The following HMCN1 variants were observed in gnomAD, a reference collection of about 807,000 sequenced individuals.
HMCN1 encodes hemicentin 1, also known as hemicentin-1.
In HMCN1, 321 loss-of-function variants were observed where a neutral mutation model predicts 625.9. The observed-to-expected ratio is 0.51, with a 90% CI of 0.47 to 0.56. The LOEUF (loss-of-function observed/expected upper bound fraction) is 0.56. Ranked by LOEUF, HMCN1 falls within the 20% of genes least tolerant of loss-of-function variation. HMCN1 has a pLI of 0.00. For missense variants in HMCN1, 6,588 were observed against 6,887.3 expected (o/e 0.96, Z 1.54); for synonymous variants, 2,425 against 2,417.6 (o/e 1.00, Z -0.09).
intron 27 of HMCN1, 74 bp downstream of exon 27, chr1:186,001,502 TTAC>T (rs1380835722): frequency 1.1e-5 from 17 of 1,595,838 alleles, no homozygotes; most frequent in Non-Finnish European, 1.4e-5. Flanking sequence ...TGTTCATTTC[TTAC>T]TACTAATAAT....
intron 10 of HMCN1, among the ~76,000 whole-genome samples, chr1:185,929,800 G>A (rs1667454648): frequency 6.6e-6 from 1 of 152,252 alleles, no homozygotes; most frequent in Admixed American, 6.5e-5. Context: ...CTTACTGCTA[G>A]AAAAATAAAG....
intron 1 of HMCN1, among the ~76,000 whole-genome samples, chr1:185,798,318 T>C (rs1435906322): frequency 6.6e-6 from 1 of 152,236 alleles, no homozygotes; most frequent in Non-Finnish European, 1.5e-5. Flanking sequence ...GATGCTTTTC[T>C]CTTGCTGACT....
At chr1:185,740,283 G>T (rs2102066813) in intron 1 of HMCN1, among the ~76,000 whole-genome samples, 1 of 152,290 alleles carries the variant, frequency 6.6e-6, no homozygotes, top group East Asian at 1.9e-4. Context: ...GAAACAGGGA[G>T]AATAGACAGG....
At chr1:185,880,350 G>A (rs994878783) in intron 4 of HMCN1, among the ~76,000 whole-genome samples, 1 of 152,154 alleles carries the variant, frequency 6.6e-6, no homozygotes, top group Non-Finnish European at 1.5e-5. Flanking sequence ...CATACTAGGG[G>A]ATGGCCAAAT....
chr1:186,066,828 T>C (rs962354553), intron 49 of HMCN1, among the ~76,000 whole-genome samples: 1 of 152,200 alleles, frequency 6.6e-6, no homozygotes, highest in Non-Finnish European at 1.5e-5. Flanking sequence ...TGTTCTGTCC[T>C]TACTTCACTG....
At chr1:185,737,597 G>A (rs1455594455) in intron 1 of HMCN1, among the ~76,000 whole-genome samples, 2 of 152,288 alleles carry the variant, frequency 1.3e-5, no homozygotes, top group African/African-American at 4.8e-5. Flanking sequence ...GACAGTTAAT[G>A]ACTCTTTTAC....
chr1:186,121,418 A>C (rs1661392251), intron 80 of HMCN1, among the ~76,000 whole-genome samples: 1 of 152,190 alleles, frequency 6.6e-6, no homozygotes, highest in African/African-American at 2.4e-5. Context: ...ATGGGAGCAC[A>C]AATTGCAGAA....
intron 1 of HMCN1, among the ~76,000 whole-genome samples, chr1:185,836,040 G>T (rs1203500838): frequency 6.6e-6 from 1 of 152,128 alleles, no homozygotes; most frequent in African/African-American, 2.4e-5. Context: ...TCCTGACAAT[G>T]ACTGTTTTGA....
intron 15 of HMCN1, among the ~76,000 whole-genome samples, chr1:185,975,501 T>C (rs1651140226): frequency 1.3e-5 from 2 of 151,992 alleles, no homozygotes; most frequent in African/African-American, 4.8e-5. Flanking sequence ...AAGGGGGCAA[T>C]CTGCCCCTAT....
In HMCN1 at chr1:185,933,787, T is replaced by C; in HGVS notation, c.1791T>C (p.Gly597=). The stretch of plus-strand genomic sequence containing the variant: ...ATCATTGTATGGTTTCTAGTGAAGG[T>C]GGATCATCAGCCGCTTCAGTTTTCC... The part of the protein sequence containing the change: ...GEYHCMVSSE[G]GSSAASVFLT... Residue 597 remains glycine, a synonymous_variant, in exon 11 of 107, where the codon GGT becomes GGC. Transcript: ENST00000271588. The C allele has an allele frequency of 6.2e-7, 1 of 1,613,964 alleles. No homozygotes were observed. The highest frequency in any genetic ancestry group is 8.5e-7 in the Non-Finnish European group (1 of 1,179,862).
In HMCN1 at chr1:185,821,055, C is replaced by A. The variant is rs74135363; in HGVS notation, c.269-24971C>A. Among the ~76,000 whole-genome samples, 1,373 of 151,284 alleles carry A rather than the reference C, an allele frequency of 9.1e-3. 19 individuals are homozygous for A. The highest frequency in any genetic ancestry group is 0.03 in the African/African-American group (1,241 of 41,240). On this transcript the variant is annotated intron_variant, in intron 1 of 106. Transcript: ENST00000271588. ...ATATGTACATGTAATATATATATATCTATATATATGCTTATAAGTCACAGG... is the reference window on the plus strand; with the variant it reads ...ATATGTACATGTAATATATATATATATATATATATGCTTATAAGTCACAGG...
At chr1:186,069,498 C>T (rs1270547975) in intron 50 of HMCN1, among the ~76,000 whole-genome samples, 165 bp from the exon 51 acceptor site, 1 of 152,166 alleles carries the variant, frequency 6.6e-6, no homozygotes, top group Non-Finnish European at 1.5e-5. Flanking sequence ...AGATACCATG[C>T]AATCCCCATC....
intron 4 of HMCN1, among the ~76,000 whole-genome samples, chr1:185,884,192 G>T (rs905515810): frequency 2.0e-5 from 3 of 151,812 alleles, no homozygotes; most frequent in African/African-American, 7.2e-5. Context: ...ATTTCAATGA[G>T]GCTGAAAAGA....
Position 186,049,965 on chromosome 1 carries a change from A to G in HMCN1, c.6577+1126A>G, listed in dbSNP as rs149601939. On this transcript the variant is annotated intron_variant, in intron 42 of 106. Coordinates refer to ENST00000271588, the MANE Select transcript of HMCN1 (RefSeq NM_031935.3). ...AATTTATATTCATTACATACTACTT[A>G]TATGTAATTAACTTCTGTTCCTGCC... Among the ~76,000 whole-genome samples, 681 of 151,914 alleles carry G rather than the reference A, an allele frequency of 4.5e-3. 16 individuals are homozygous for G. Among genetic ancestry groups the G allele is most frequent in the South Asian group, 0.038 (185 of 4,818 alleles).
rs779367162 is a variant in HMCN1, at chr1:186,114,489, CCT to C, written c.11277-328_11277-327del. Among the ~76,000 whole-genome samples, 6 of 152,222 alleles carry C rather than the reference CCT, an allele frequency of 3.9e-5. No individual in the cohort carries two copies. In the East Asian group the frequency reaches 1.2e-3, roughly 29 times the overall value. On this transcript the variant is annotated intron_variant, in intron 73 of 106. Transcript: ENST00000271588. ...GGCCAGGCTGGTCTCGAACTCCTGA[CCT>C]CAGGTGATCCGCCCACCTCAGCCTT...
intron 4 of HMCN1, among the ~76,000 whole-genome samples, chr1:185,888,941 G>A (rs1438949422): frequency 2.0e-5 from 3 of 147,736 alleles, no homozygotes; most frequent in Admixed American, 6.6e-5. Context: ...CTACCCATGA[G>A]CATGGAATGT....
intron 8 of HMCN1, among the ~76,000 whole-genome samples, chr1:185,923,965 T>C (rs1197051979): frequency 1.3e-5 from 2 of 152,330 alleles, no homozygotes; most frequent in East Asian, 3.9e-4. Flanking sequence ...TTGCTTAAAC[T>C]ATCTAAATTG....
intron 41 of HMCN1, among the ~76,000 whole-genome samples, chr1:186,047,140 T>C (rs890361206): frequency 2.0e-5 from 3 of 152,092 alleles, no homozygotes; most frequent in Admixed American, 1.3e-4. Flanking sequence ...TGAAGGAGTA[T>C]GTTACGGGCA....
At chr1:186,154,829 C>T (rs1650891495) in intron 97 of HMCN1, among the ~76,000 whole-genome samples, 1 of 152,014 alleles carries the variant, frequency 6.6e-6, no homozygotes, top group South Asian at 2.1e-4. Flanking sequence ...CTAAGTAGTC[C>T]ATCTATGCTA....
Sources: allele counts gnomAD v4.1 joint callset (sites outside exome capture counted in the v4.1 genomes callset), GRCh38; gene constraint gnomAD v4.1.1; transcripts MANE v1.5; gene names NCBI Gene and HGNC (gene_info 2026-07-23, HGNC 2026-07-21).